Variants in ANO2 observed in about 807,000 individuals in gnomAD.
ANO2 encodes the protein anoctamin 2.
In ANO2, 101 loss-of-function variants were observed where a neutral mutation model predicts 124.2. The ratio of observed to expected loss-of-function variants is 0.81; its 90% confidence interval spans 0.69 to 0.96. The LOEUF (loss-of-function observed/expected upper bound fraction) is 0.96, where lower values mean the gene tolerates loss of function less well. Ranked by LOEUF, ANO2 falls within the 40% of genes least tolerant of loss-of-function variation. The probability of loss-of-function intolerance (pLI) is 0.00; values close to 1 mark genes in which losing one functional copy is unlikely to be tolerated. For synonymous variants in ANO2, 486 were observed against 482.5 expected (o/e 1.01, Z -0.09); for missense variants, 1,293 against 1,274.5 (o/e 1.01, Z -0.22).
rs576805706 is a variant in ANO2, at chr12:5,923,412, C to G, written c.23-608G>C. On this transcript the variant is annotated intron_variant, in intron 1 of 24. Coordinates refer to ENST00000682330, the MANE Select transcript of ANO2 (RefSeq NM_001364791.2). Reference sequence around the variant, plus strand: ...GGTGGGGGGGCACTGCCTGGAGAGACACCTTGAATTAATACCAAAGGCTTA... The same window carrying G: ...GGTGGGGGGGCACTGCCTGGAGAGAGACCTTGAATTAATACCAAAGGCTTA... Among the ~76,000 whole-genome samples the G allele has an allele frequency of 7.1e-4, 108 of 152,192 alleles. 1 individual carries two copies. Among genetic ancestry groups the G allele is most frequent in the South Asian group, 1.7e-3 (8 of 4,828 alleles).
chr12:5,773,334 A>G (rs527738828), intron 10 of ANO2, among the ~76,000 whole-genome samples: 133 of 152,318 alleles, frequency 8.7e-4, no homozygotes, highest in African/African-American at 2.9e-3. Context: ...AAGTCTAAAA[A>G]GGGGTCAGGG....
At chr12:5,839,300 G>T (rs1340264380) in intron 4 of ANO2, among the ~76,000 whole-genome samples, 6 of 152,182 alleles carry the variant, frequency 3.9e-5, no homozygotes, top group African/African-American at 1.4e-4. Flanking sequence ...TTTAGCCCAT[G>T]AGTGTGAGGA....
At chr12:5,610,555 A>G (rs1035336437) in intron 19 of ANO2, among the ~76,000 whole-genome samples, 9 of 142,006 alleles carry the variant, frequency 6.3e-5, no homozygotes, top group East Asian at 6.0e-4. Context: ...TGTTTTATAA[A>G]ATATATATAA....
Position 5,563,219 on chromosome 12 carries a change from G to A in ANO2, c.*80C>T, listed in dbSNP as rs904395587. ...CCAGGCCCCTGCAGACAGACAGCACGCCATGTGGGTGTAGGAACATGCTTA... is the reference window on the plus strand; with the variant it reads ...CCAGGCCCCTGCAGACAGACAGCACACCATGTGGGTGTAGGAACATGCTTA... On this transcript the variant is annotated 3_prime_UTR_variant, in exon 25 of 25. Transcript: ENST00000682330. 1.6e-5 allele frequency: 24 copies of A among 1,492,792 alleles called. No individual in the cohort carries two copies. The highest frequency in any genetic ancestry group is 4.9e-5 in the East Asian group (2 of 40,458). 92.5% of individuals were successfully genotyped at this position (1,492,792 alleles called of 1,614,324 possible). A position where few individuals can be genotyped will look rare whatever the true frequency, so the allele number is the denominator to read the frequency against.
At chr12:5,751,050 AG>A (rs1951422370) in intron 10 of ANO2, 80 bp from the exon 11 acceptor site, 1 of 1,384,146 alleles carries the variant, frequency 7.2e-7, no homozygotes, top group Admixed American at 2.4e-5. Context: ...TCTATGCCTA[AG>A]GGTGGGTCAA....
intron 7 of ANO2, among the ~76,000 whole-genome samples, chr12:5,826,309 G>A (rs573936025): frequency 1.3e-5 from 2 of 152,142 alleles, no homozygotes; most frequent in East Asian, 1.9e-4. Flanking sequence ...GGGTGGATTC[G>A]TGATGGTTAA....
intron 7 of ANO2, among the ~76,000 whole-genome samples, chr12:5,814,243 A>C (rs968452714): frequency 6.6e-6 from 1 of 152,240 alleles, no homozygotes; most frequent in Non-Finnish European, 1.5e-5. Context: ...CGTCCCTGGC[A>C]TTCCCCAACT....
chr12:5,849,187 T>C (rs1406842019), intron 4 of ANO2, among the ~76,000 whole-genome samples: 4 of 152,158 alleles, frequency 2.6e-5, no homozygotes, highest in East Asian at 3.8e-4. Context: ...GCTCTGACGA[T>C]TGGACAAAAG....
intron 23 of ANO2, among the ~76,000 whole-genome samples, chr12:5,567,050 T>TA (rs781298677): frequency 4.6e-4 from 70 of 151,966 alleles, no homozygotes; most frequent in African/African-American, 8.4e-4. Context: ...CACACAAAGA[T>TA]AAAAAAGAGC....
rs1411768405 is a variant in ANO2, at chr12:5,658,463, TATC to T, written c.1546-10665_1546-10663del. On this transcript the variant is annotated intron_variant, in intron 14 of 24. Coordinates refer to ENST00000682330, the MANE Select transcript of ANO2 (RefSeq NM_001364791.2). This position sits in a 1 kb window ranked among gnomAD's most constrained non-coding sequence, Gnocchi z 4.3. The stretch of plus-strand genomic sequence containing the variant: ...AACATAATCATCAACATCATCATCA[TATC>T]ATCACTATCATCATCATCATCAATA... Among the ~76,000 whole-genome samples, 1 of 143,788 alleles carries T rather than the reference TATC, an allele frequency of 7.0e-6. No homozygotes were observed. Among genetic ancestry groups the T allele is most frequent in the Non-Finnish European group, 1.5e-5 (1 of 65,172 alleles). 94.3% of individuals were successfully genotyped at this position (143,788 alleles called of 152,430 possible). A position where few individuals can be genotyped will look rare whatever the true frequency, so the allele number is the denominator to read the frequency against.
chr12:5,689,398 G>A (rs1212723896), intron 14 of ANO2, among the ~76,000 whole-genome samples: 1 of 152,118 alleles, frequency 6.6e-6, no homozygotes, highest in Non-Finnish European at 1.5e-5. Context: ...ACAGAGACAG[G>A]CTTTTTATGG....
intron 14 of ANO2, among the ~76,000 whole-genome samples, chr12:5,686,844 T>C (rs1472623289): frequency 1.3e-5 from 2 of 152,218 alleles, no homozygotes; most frequent in Non-Finnish European, 2.9e-5. Flanking sequence ...ATGGAAACAC[T>C]ATGAGCCCAC....
chr12:5,622,001 A>G (rs1945141571), intron 16 of ANO2, among the ~76,000 whole-genome samples: 1 of 152,150 alleles, frequency 6.6e-6, no homozygotes, highest in Admixed American at 6.5e-5. Flanking sequence ...TAACAACAAC[A>G]CAATCACATC....
chr12:5,568,136 C>CTTTTTTT (rs71445654), intron 23 of ANO2, among the ~76,000 whole-genome samples: 8 of 112,762 alleles, frequency 7.1e-5, no homozygotes, highest in South Asian at 2.8e-4. Context: ...CCACCCTATG[C>CTTTTTTT]TTTTTTTTTT....
chr12:5,652,140 G>GGTAA (rs1377526711), intron 14 of ANO2, among the ~76,000 whole-genome samples: 1 of 152,084 alleles, frequency 6.6e-6, no homozygotes, highest in Admixed American at 6.5e-5. Context: ...CAAGTCATAG[G>GGTAA]GTAAGTATAT....
At position 5,582,198 on chromosome 12, in the gene ANO2, A is replaced by G. The variant is rs140450420; in HGVS notation, c.2234-3680T>C. On this transcript the variant is annotated intron_variant, in intron 20 of 24. Coordinates refer to ENST00000682330, the MANE Select transcript of ANO2 (RefSeq NM_001364791.2). The stretch of plus-strand genomic sequence containing the variant: ...GCCAGCTCGGCCTGACCAATAACAG[A>G]TTAAGCCTGGCCAAGCCAATTAGGG... 2.4e-3 allele frequency among the ~76,000 whole-genome samples: 369 copies of G among 152,358 alleles called. 3 individuals carry two copies. Among genetic ancestry groups the G allele is most frequent in the African/African-American group, 8.5e-3 (353 of 41,588 alleles).
chr12:5,613,709 A>T (rs896001384), intron 17 of ANO2, among the ~76,000 whole-genome samples: 4 of 152,140 alleles, frequency 2.6e-5, no homozygotes, highest in South Asian at 2.1e-4. Flanking sequence ...TGTTCCCCCA[A>T]CACTTTATTT....
Position 5,635,466 on chromosome 12 carries a change from G to T in ANO2, c.1621-119C>A. On this transcript the variant is annotated intron_variant, in intron 15 of 24. Transcript: ENST00000682330. The surrounding 1 kb of genome is among the most constrained non-coding windows in gnomAD (Gnocchi z 5.2). ...TATTATTAATCTGGAATCTTTTGTT[G>T]GGTAACAAGGGATTCCAGATATTAT... 1.2e-6 allele frequency: 1 copy of T among 831,402 alleles called. No individual in the cohort carries two copies. Among genetic ancestry groups the T allele is most frequent in the Non-Finnish European group, 1.7e-6 (1 of 597,410 alleles). 51.5% of individuals were successfully genotyped at this position (831,402 alleles called of 1,614,324 possible). A position where few individuals can be genotyped will look rare whatever the true frequency, so the allele number is the denominator to read the frequency against.
chr12:5,863,173 G>A (rs1955325028), intron 3 of ANO2, among the ~76,000 whole-genome samples: 1 of 152,052 alleles, frequency 6.6e-6, no homozygotes, highest in Non-Finnish European at 1.5e-5. Flanking sequence ...TTAGCAGCGT[G>A]AGAACAGACT....
Sources: gnomAD v4.1 joint callset for allele counts (sites outside exome capture counted in the v4.1 genomes callset) on GRCh38, gnomAD v4.1.1 for gene constraint, Gnocchi (gnomAD v3.1) non-coding constraint, MANE v1.5 for transcripts, NCBI Gene and HGNC (gene_info 2026-07-23, HGNC 2026-07-21) for gene names.